Variants in SERPINE2 observed in about 807,000 individuals in gnomAD.
The protein encoded by SERPINE2 is serpin family E member 2, also known as glia-derived nexin.
A neutral mutation model predicts 36.3 loss-of-function variants in SERPINE2; 14 were observed. That is an observed-to-expected ratio of 0.39 (90% CI 0.25 to 0.60). SERPINE2 has a LOEUF of 0.60. SERPINE2 is among the 20% of genes least tolerant of loss of function. The pLI is 0.57. For synonymous variants in SERPINE2, 192 were observed against 191.8 expected (o/e 1.00, Z -0.01); for missense variants, 418 against 499.6 (o/e 0.84, Z 1.56).
At chr2:224,005,094 T>A (rs1462896414) in intron 1 of SERPINE2, among the ~76,000 whole-genome samples, 1 of 132,722 alleles carries the variant, frequency 7.5e-6, no homozygotes, top group African/African-American at 2.9e-5. Flanking sequence ...TATATATATA[T>A]ATAAAACATT....
At chr2:224,038,395 T>C in intron 1 of SERPINE2, 1 of 1,027,000 alleles carries the variant, frequency 9.7e-7, no homozygotes, top group Admixed American at 2.0e-5. Flanking sequence ...GAGTGCTGTC[T>C]TATGTAATAG....
At chr2:223,984,678 T>C in intron 5 of SERPINE2, 74 bp downstream of exon 5, 1 of 1,431,634 alleles carries the variant, frequency 7.0e-7, no homozygotes, top group Non-Finnish European at 9.6e-7. Flanking sequence ...TCGCCTCATG[T>C]TGTCTGGTGT....
intron 2 of SERPINE2, among the ~76,000 whole-genome samples, chr2:224,000,134 G>C (rs991397000): frequency 1.3e-5 from 2 of 152,216 alleles, no homozygotes; most frequent in African/African-American, 4.8e-5. Flanking sequence ...CTCTCCAGCT[G>C]ACGACGCCAG....
intron 3 of SERPINE2, among the ~76,000 whole-genome samples, chr2:223,993,184 G>A (rs2106152546): frequency 6.6e-6 from 1 of 152,236 alleles, no homozygotes; most frequent in Middle Eastern, 3.4e-3. Context: ...GTCTGTCCTA[G>A]AACTCCTAAT....
In SERPINE2 at chr2:223,981,880, A is replaced by C. The variant is rs549053231; in HGVS notation, c.985+801T>G. On this transcript the variant is annotated intron_variant, in intron 6 of 8. Coordinates refer to ENST00000409304, the MANE Select transcript of SERPINE2 (RefSeq NM_001136528.2). ...ATGAGCATGAAATGCCAAAATACAT[A>C]TCTGGGTACAGTGAATGACTGCAGT... is the stretch of plus-strand genomic sequence containing the variant. 4.6e-5 allele frequency: 7 copies of C among 151,836 alleles called. No individual in the cohort carries two copies. The South Asian group carries it at 1.5e-3, about 32-fold the overall frequency. 9.4% of individuals were successfully genotyped at this position (151,836 alleles called of 1,614,324 possible).
At chr2:224,028,780 G>A (rs938495608) in intron 1 of SERPINE2, among the ~76,000 whole-genome samples, 1 of 152,092 alleles carries the variant, frequency 6.6e-6, no homozygotes, top group African/African-American at 2.4e-5. Context: ...AGTACTTTTT[G>A]GGCTCCTCTG....
intron 7 of SERPINE2, chr2:223,978,560 G>A (rs1046536208): frequency 2.0e-5 from 3 of 152,214 alleles, no homozygotes; most frequent in East Asian, 1.9e-4. Context: ...GCCATTCCTC[G>A]TCTGCCAGGC....
intron 1 of SERPINE2, among the ~76,000 whole-genome samples, chr2:224,009,282 G>A (rs907902794): frequency 6.6e-6 from 1 of 152,114 alleles, no homozygotes; most frequent in African/African-American, 2.4e-5. Context: ...CCTGGTTCTT[G>A]GAACCTAAGG....
intron 1 of SERPINE2, among the ~76,000 whole-genome samples, chr2:224,005,691 T>C (rs865896923): frequency 2.0e-5 from 3 of 152,198 alleles, no homozygotes; most frequent in Non-Finnish European, 2.9e-5. Context: ...GGGAAGTACA[T>C]AGAAACCTCC....
At chr2:223,978,936 G>A (rs1181809136) in intron 7 of SERPINE2, 1 of 152,090 alleles carries the variant, frequency 6.6e-6, no homozygotes, top group Non-Finnish European at 1.5e-5. Context: ...TGAAGTGGGA[G>A]AGACACCAGG....
chr2:223,993,525 AAT>A (rs568133642), intron 3 of SERPINE2, among the ~76,000 whole-genome samples: 13 of 93,202 alleles, frequency 1.4e-4, no homozygotes, highest in South Asian at 4.9e-4. Flanking sequence ...TATTAGCTCA[AAT>A]ATATGTGTGT....
At chr2:224,005,261 G>A (rs914748344) in intron 1 of SERPINE2, among the ~76,000 whole-genome samples, 5 of 151,500 alleles carry the variant, frequency 3.3e-5, no homozygotes, top group Non-Finnish European at 5.9e-5. Flanking sequence ...CCTATGACAC[G>A]GAAGAAAGCT....
At chr2:224,033,672 A>AC (rs1374038978) in intron 1 of SERPINE2, among the ~76,000 whole-genome samples, 3 of 151,734 alleles carry the variant, frequency 2.0e-5, no homozygotes, top group Non-Finnish European at 4.4e-5. Flanking sequence ...CAAAAAAAAA[A>AC]AAAAAGTCAC....
chr2:224,023,680 CAT>C (rs1692086997), intron 1 of SERPINE2, among the ~76,000 whole-genome samples: 1 of 152,190 alleles, frequency 6.6e-6, no homozygotes, highest in African/African-American at 2.4e-5. Flanking sequence ...TCAAAGGTGT[CAT>C]ATTAAAATAC....
chr2:224,029,869 T>G (rs892296176), intron 1 of SERPINE2, among the ~76,000 whole-genome samples: 2 of 152,088 alleles, frequency 1.3e-5, no homozygotes, highest in Admixed American at 1.3e-4. Context: ...CAGCTAATTT[T>G]TTGCATTTTT....
intron 5 of SERPINE2, 77 bp from the exon 6 acceptor site, chr2:223,982,858 A>C: frequency 1.0e-6 from 1 of 1,004,466 alleles, no homozygotes; most frequent in South Asian, 1.5e-5. Flanking sequence ...GCATGTTTAC[A>C]AACTGATTCT....
intron 1 of SERPINE2, among the ~76,000 whole-genome samples, chr2:224,031,906 G>A (rs900115038): frequency 1.3e-5 from 2 of 152,232 alleles, no homozygotes; most frequent in Admixed American, 6.5e-5. Context: ...TGAGAGGCAA[G>A]GAGAAAGAGA....
chr2:223,993,643 A>C (rs1375883419), intron 3 of SERPINE2, among the ~76,000 whole-genome samples: 1 of 152,156 alleles, frequency 6.6e-6, no homozygotes, highest in Non-Finnish European at 1.5e-5. Context: ...GCTTTTGAAG[A>C]AGCAAGAATA....
chr2:224,022,975 G>A lies in SERPINE2; in HGVS notation c.-23+16124C>T, dbSNP rs143140406. Among the ~76,000 whole-genome samples the A allele has an allele frequency of 1.2e-4, 18 of 152,268 alleles. No homozygotes were observed. The East Asian group carries it at 3.5e-3, about 29-fold the overall frequency. On this transcript the variant is annotated intron_variant, in intron 1 of 8. Coordinates refer to ENST00000409304, the MANE Select transcript of SERPINE2 (RefSeq NM_001136528.2). ...TCTGTCCTGTCACCCTGTGAAGAAG[G>A]TGCCTGCTTTTCCTTTGCCTTCCAC... is the stretch of plus-strand genomic sequence containing the variant.
Sources: gnomAD v4.1 joint callset for allele counts (sites outside exome capture counted in the v4.1 genomes callset) on GRCh38, gnomAD v4.1.1 for gene constraint, MANE v1.5 for transcripts, NCBI Gene and HGNC (gene_info 2026-07-23, HGNC 2026-07-21) for gene names.